Variants in AGPAT4 observed in about 807,000 individuals in gnomAD.
AGPAT4 encodes 1-acylglycerol-3-phosphate O-acyltransferase 4, also known as 1-acyl-sn-glycerol-3-phosphate acyltransferase delta.
Under a neutral mutation model 48.0 loss-of-function variants are expected in AGPAT4, and 15 were observed. The observed-to-expected ratio is 0.31, with a 90% CI of 0.21 to 0.48. The LOEUF (loss-of-function observed/expected upper bound fraction) is 0.48. Among genes scored for constraint, AGPAT4 ranks in the 20% least tolerant of loss-of-function variants. AGPAT4 has a pLI of 0.99. For missense variants in AGPAT4, 314 were observed against 482.5 expected (o/e 0.65, Z 3.27); for synonymous variants, 178 against 198.7 (o/e 0.90, Z 0.88).
chr6:161,216,553 A>G lies in AGPAT4; in HGVS notation c.178+15483T>C, dbSNP rs1329889290. ...CCGACGCCCCAGGCCCCACCCCAGC[A>G]CTCTCTTAATTCAGATGATTTTCCC... On this transcript the variant is annotated intron_variant, in intron 2 of 8. Transcript: ENST00000320285. The surrounding 1 kb of genome is among the most constrained non-coding windows in gnomAD (Gnocchi z 4.8). Among the ~76,000 whole-genome samples the G allele has an allele frequency of 1.3e-5, 2 of 151,974 alleles. No homozygotes were observed. Among genetic ancestry groups the G allele is most frequent in the Non-Finnish European group, 2.9e-5 (2 of 67,984 alleles).
Position 161,229,975 on chromosome 6 carries a change from C to T in AGPAT4, c.178+2061G>A, listed in dbSNP as rs1257254010. 6.6e-6 allele frequency among the ~76,000 whole-genome samples: 1 copy of T among 152,126 alleles called. No homozygotes were observed. Among genetic ancestry groups the T allele is most frequent in the Non-Finnish European group, 1.5e-5 (1 of 68,034 alleles). ...ATTAGACTACCTACCCTTCATTGCA[C>T]CCGGCATTGAGATGCCAGTTGTCTT... is the stretch of plus-strand genomic sequence containing the variant. On this transcript the variant is annotated intron_variant, in intron 2 of 8. Transcript: ENST00000320285. The surrounding 1 kb of genome is among the most constrained non-coding windows in gnomAD (Gnocchi z 6.0).
Position 161,212,762 on chromosome 6 carries a change from T to C in AGPAT4, c.178+19274A>G, listed in dbSNP as rs532352032. Among the ~76,000 whole-genome samples, 7 of 152,328 alleles carry C rather than the reference T, an allele frequency of 4.6e-5. No individual in the cohort carries two copies. Among genetic ancestry groups the C allele is most frequent in the Admixed American group, 2.0e-4 (3 of 15,300 alleles). On this transcript the variant is annotated intron_variant, in intron 2 of 8. Coordinates refer to ENST00000320285, the MANE Select transcript of AGPAT4 (RefSeq NM_020133.3). The surrounding 1 kb of genome is among the most constrained non-coding windows in gnomAD (Gnocchi z 6.1). ...TTGTCATCCATGGACAATTGTCTTG[T>C]TTTGGTCCTCCTTAGAAGGTGGTTT...
Position 161,161,351 on chromosome 6 carries a change from C to T in AGPAT4, c.348+4897G>A, listed in dbSNP as rs1779928790. 1.1e-5 allele frequency: 5 copies of T among 456,600 alleles called. No homozygotes were observed. Among genetic ancestry groups the T allele is most frequent in the Admixed American group, 2.3e-5 (1 of 42,566 alleles). 28.3% of individuals were successfully genotyped at this position (456,600 alleles called of 1,614,324 possible). A position where few individuals can be genotyped will look rare whatever the true frequency, so the allele number is the denominator to read the frequency against. ...CCACTTCCTGCCCTGGCCAGTGGTT[C>T]GCCTGCTACCTCGGTCGTCACCATT... On this transcript the variant is annotated intron_variant, in intron 3 of 8. Coordinates refer to ENST00000320285, the MANE Select transcript of AGPAT4 (RefSeq NM_020133.3). The surrounding 1 kb of genome is among the most constrained non-coding windows in gnomAD (Gnocchi z 4.6).
At chr6:161,153,865 A>T (rs972961726) in intron 4 of AGPAT4, among the ~76,000 whole-genome samples, 1 of 151,162 alleles carries the variant, frequency 6.6e-6, no homozygotes, top group Non-Finnish European at 1.5e-5. Flanking sequence ...CCACATGATC[A>T]CACACGGCCC....
rs1440594515 is a variant in AGPAT4 at position 161,222,451 on chromosome 6, G to T, written c.178+9585C>A. Among the ~76,000 whole-genome samples the T allele has an allele frequency of 6.6e-6, 1 of 151,950 alleles. No individual in the cohort carries two copies. The highest frequency in any genetic ancestry group is 1.5e-5 in the Non-Finnish European group (1 of 67,990). ...CTTCCAGTCTATATTTATAAAATTG[G>T]TATTAGAATGTACCAAGAGTTTTGT... On this transcript the variant is annotated intron_variant, in intron 2 of 8. Transcript: ENST00000320285. This position sits in a 1 kb window ranked among gnomAD's most constrained non-coding sequence, Gnocchi z 5.9.
intron 1 of AGPAT4, 144 bp downstream of exon 1, chr6:161,273,794 T>TCCCCCCCC (rs398003232): frequency 4.1e-5 from 3 of 72,324 alleles, no homozygotes; most frequent in Admixed American, 1.6e-4. Flanking sequence ...CGCCTTGCAC[T>TCCCCCCCC]CCCCCCCCGC....
In AGPAT4 at chr6:161,240,480, C is replaced by T. The variant is rs1782453652; in HGVS notation, c.-89-8178G>A. 6.6e-6 allele frequency among the ~76,000 whole-genome samples: 1 copy of T among 152,200 alleles called. No homozygotes were observed. The highest frequency in any genetic ancestry group is 2.4e-5 in the African/African-American group (1 of 41,450). On this transcript the variant is annotated intron_variant, in intron 1 of 8. Coordinates refer to ENST00000320285, the MANE Select transcript of AGPAT4 (RefSeq NM_020133.3). The surrounding 1 kb of genome is among the most constrained non-coding windows in gnomAD (Gnocchi z 5.5). Reference sequence around the variant, plus strand: ...CCAGCTCTGCCACTCTTCCCCAACTCCCATCTACAGAGAAGATTCCCAAGT... The same window carrying T: ...CCAGCTCTGCCACTCTTCCCCAACTTCCATCTACAGAGAAGATTCCCAAGT...
rs192203662 is a variant in AGPAT4 at position 161,270,497 on chromosome 6, G to A, written c.-90+3441C>T. Among the ~76,000 whole-genome samples the A allele has an allele frequency of 7.8e-4, 119 of 152,282 alleles. No homozygotes were observed. The highest frequency in any genetic ancestry group is 2.6e-3 in the African/African-American group (108 of 41,556). ...AGAAATGTGAATGTGGGCCAGGCAC[G>A]GTGGCTCACGCCTGTAATCCCAGCA... is the stretch of plus-strand genomic sequence containing the variant. On this transcript the variant is annotated intron_variant, in intron 1 of 8. Transcript: ENST00000320285. This position sits in a 1 kb window ranked among gnomAD's most constrained non-coding sequence, Gnocchi z 5.3.
At chr6:161,170,635 C>T (rs2114983645) in intron 2 of AGPAT4, among the ~76,000 whole-genome samples, 1 of 152,234 alleles carries the variant, frequency 6.6e-6, no homozygotes, top group South Asian at 2.1e-4. Flanking sequence ...GTTTCATTTC[C>T]TCTCCTGTGT....
At chr6:161,163,010 A>G (rs1324274765) in intron 3 of AGPAT4, among the ~76,000 whole-genome samples, 2 of 152,232 alleles carry the variant, frequency 1.3e-5, no homozygotes, top group African/African-American at 4.8e-5. Flanking sequence ...GATCAACCAA[A>G]GCCTTCAGAG....
In AGPAT4 at chr6:161,184,323, C is replaced by T. The variant is rs78293809; in HGVS notation, c.179-17906G>A. ...CAGTGGAACTTGCTGTTGGGTTCAA[C>T]GTGGTGTAAGAGACAGAGGAGAATT... On this transcript the variant is annotated intron_variant, in intron 2 of 8. Transcript: ENST00000320285. The surrounding 1 kb of genome is among the most constrained non-coding windows in gnomAD (Gnocchi z 4.8). Among the ~76,000 whole-genome samples, 620 of 151,894 alleles carry T rather than the reference C, an allele frequency of 4.1e-3. 2 individuals carry two copies. Among genetic ancestry groups the T allele is most frequent in the Non-Finnish European group, 6.5e-3 (445 of 67,956 alleles).
At position 161,130,638 on chromosome 6, in the gene AGPAT4, C is replaced by A. The variant is rs916918130; in HGVS notation, c.*5902G>T. ...GGTTAGATCTCTTTCCTTGATAGAA[C>A]AAGCAAAAGAGGGGCTGATCCATCT... is the stretch of plus-strand genomic sequence containing the variant. On this transcript the variant is annotated 3_prime_UTR_variant, in exon 9 of 9. Transcript: ENST00000320285. 1.5e-5 allele frequency: 4 copies of A among 269,478 alleles called. No individual in the cohort carries two copies. Among genetic ancestry groups the A allele is most frequent in the African/African-American group, 4.4e-5 (2 of 45,716 alleles). 16.7% of individuals were successfully genotyped at this position (269,478 alleles called of 1,614,324 possible). A position where few individuals can be genotyped will look rare whatever the true frequency, so the allele number is the denominator to read the frequency against.
rs1351312766 is a variant in AGPAT4, at chr6:161,169,185, T to A, written c.179-2768A>T. ...TACCAGAGTAAGGAGTTATGATTTA[T>A]GATTTCATTCTAAAGGCAATATAAA... On this transcript the variant is annotated intron_variant, in intron 2 of 8. Transcript: ENST00000320285. The surrounding 1 kb of genome is among the most constrained non-coding windows in gnomAD (Gnocchi z 5.0). Among the ~76,000 whole-genome samples, 1 of 152,130 alleles carries A rather than the reference T, an allele frequency of 6.6e-6. No individual in the cohort carries two copies. The highest frequency in any genetic ancestry group is 2.4e-5 in the African/African-American group (1 of 41,418).
At chr6:161,256,020 G>T (rs1196489211) in intron 1 of AGPAT4, among the ~76,000 whole-genome samples, 1 of 152,170 alleles carries the variant, frequency 6.6e-6, no homozygotes, top group Non-Finnish European at 1.5e-5. Context: ...GAAATGAGCT[G>T]CAGAAAGGAG....
At position 161,254,490 on chromosome 6, in the gene AGPAT4, CA is replaced by C. The variant is rs1236964370; in HGVS notation, c.-90+19447del. Among the ~76,000 whole-genome samples the C allele has an allele frequency of 3.9e-5, 6 of 152,230 alleles. No individual in the cohort carries two copies. The highest frequency in any genetic ancestry group is 1.4e-4 in the African/African-American group (6 of 41,464). Reference sequence around the variant, plus strand: ...TATATACGTTTAGAGGCAACTCGTTCAGCGAATATTTATAGAGCCTCTACCG... The same window carrying C: ...TATATACGTTTAGAGGCAACTCGTTCGCGAATATTTATAGAGCCTCTACCG... On this transcript the variant is annotated intron_variant, in intron 1 of 8. Transcript: ENST00000320285. This position sits in a 1 kb window ranked among gnomAD's most constrained non-coding sequence, Gnocchi z 5.9.
Position 161,147,961 on chromosome 6 carries a change from G to A in AGPAT4, c.767+1226C>T, listed in dbSNP as rs1294724901. ...GCTAACCTTCCTCTGGGGTCAAGAG[G>A]GTGATCTGGCTTCGGTGAGTGAACG... On this transcript the variant is annotated intron_variant, in intron 6 of 8. Transcript: ENST00000320285. This position sits in a 1 kb window ranked among gnomAD's most constrained non-coding sequence, Gnocchi z 4.8. 6.6e-6 allele frequency among the ~76,000 whole-genome samples: 1 copy of A among 152,200 alleles called. No individual in the cohort carries two copies. The highest frequency in any genetic ancestry group is 1.5e-5 in the Non-Finnish European group (1 of 68,048).
In AGPAT4 at chr6:161,171,212, G is replaced by A. The variant is rs866438169; in HGVS notation, c.179-4795C>T. On this transcript the variant is annotated intron_variant, in intron 2 of 8. Transcript: ENST00000320285. This position sits in a 1 kb window ranked among gnomAD's most constrained non-coding sequence, Gnocchi z 4.4. ...AGCGTTACAATGCCAGGAGCCCTACGAGGGTAAATCTAAGAGAAGCAAAGA... is the reference window on the plus strand; with the variant it reads ...AGCGTTACAATGCCAGGAGCCCTACAAGGGTAAATCTAAGAGAAGCAAAGA... Among the ~76,000 whole-genome samples, 8 of 152,216 alleles carry A rather than the reference G, an allele frequency of 5.3e-5. No homozygotes were observed. The highest frequency in any genetic ancestry group is 7.3e-5 in the Non-Finnish European group (5 of 68,038).
chr6:161,243,247 T>C lies in AGPAT4; in HGVS notation c.-89-10945A>G, dbSNP rs1316223288. Among the ~76,000 whole-genome samples the C allele has an allele frequency of 6.6e-6, 1 of 151,890 alleles. No individual in the cohort carries two copies. Among genetic ancestry groups the C allele is most frequent in the East Asian group, 1.9e-4 (1 of 5,168 alleles). On this transcript the variant is annotated intron_variant, in intron 1 of 8. Transcript: ENST00000320285. The surrounding 1 kb of genome is among the most constrained non-coding windows in gnomAD (Gnocchi z 4.8). ...GAGCTGGGGACAGTGAAGGGGCAGCTCTCCCCTTGGGGTTACCAAAGTAGG... is the reference window on the plus strand; with the variant it reads ...GAGCTGGGGACAGTGAAGGGGCAGCCCTCCCCTTGGGGTTACCAAAGTAGG...
chr6:161,232,293 A>G lies in AGPAT4; in HGVS notation c.-80T>C. 7.2e-7 allele frequency: 1 copy of G among 1,391,338 alleles called. No individual in the cohort carries two copies. The highest frequency in any genetic ancestry group is 1.5e-5 in the South Asian group (1 of 68,372). The allele number at this position is 1,391,338 out of a possible 1,614,324, so 86.2% of individuals were successfully genotyped here. ...CAGAAGGAAGAAAGATCCAGGACTCAGGAAGGCGTCTAAAACACAAACAAA... is the reference window on the plus strand; with the variant it reads ...CAGAAGGAAGAAAGATCCAGGACTCGGGAAGGCGTCTAAAACACAAACAAA... On this transcript the variant is annotated 5_prime_UTR_variant, in exon 2 of 9. Coordinates refer to ENST00000320285, the MANE Select transcript of AGPAT4 (RefSeq NM_020133.3). The surrounding 1 kb of genome is among the most constrained non-coding windows in gnomAD (Gnocchi z 6.8).
Sources: gnomAD v4.1 joint callset for allele counts (sites outside exome capture counted in the v4.1 genomes callset) on GRCh38, gnomAD v4.1.1 for gene constraint, Gnocchi (gnomAD v3.1) non-coding constraint, MANE v1.5 for transcripts, NCBI Gene and HGNC (gene_info 2026-07-23, HGNC 2026-07-21) for gene names.